MYRIP: variants seen among roughly 807,000 people sequenced by gnomAD.
MYRIP encodes the protein myosin VIIA and Rab interacting protein.
MYRIP carries 49 observed loss-of-function variants against 98.0 expected under a neutral mutation model. The ratio of observed to expected loss-of-function variants is 0.50; its 90% CI spans 0.40 to 0.63. The LOEUF (loss-of-function observed/expected upper bound fraction) is 0.63. Ranked by LOEUF, MYRIP falls within the 30% of genes least tolerant of loss-of-function variation. The pLI is 0.00. For missense variants in MYRIP, 1,004 were observed against 1,058.2 expected, an observed-to-expected ratio of 0.95 and a Z score of 0.71; for synonymous variants, 404 against 409.5, an observed-to-expected ratio of 0.99 and a Z score of 0.16.
chr3:40,231,554 G>A (rs1203028158), intron 11 of MYRIP, among the ~76,000 whole-genome samples: 1 of 152,178 alleles, frequency 6.6e-6, no homozygotes, highest in African/African-American at 2.4e-5. Context: ...AAACAAGGCT[G>A]TTTATAGATG....
At chr3:40,034,016 C>T (rs1947320663) in intron 2 of MYRIP, among the ~76,000 whole-genome samples, 1 of 151,986 alleles carries the variant, frequency 6.6e-6, no homozygotes, top group Non-Finnish European at 1.5e-5. Flanking sequence ...ACTGGCTAGC[C>T]ATATGTAGAA....
intron 3 of MYRIP, among the ~76,000 whole-genome samples, chr3:40,141,336 T>G (rs1360818767): frequency 1.3e-5 from 2 of 152,242 alleles, no homozygotes; most frequent in Non-Finnish European, 2.9e-5. Flanking sequence ...GTTCCTTGTA[T>G]ATTCTGAATA....
chr3:39,841,852 G>A (rs567141504), intron 1 of MYRIP, among the ~76,000 whole-genome samples: 114 of 152,270 alleles, frequency 7.5e-4, no homozygotes, highest in African/African-American at 2.0e-3. Flanking sequence ...GGGGCACCCC[G>A]CAGATGCCAG....
Position 40,179,358 on chromosome 3 carries a change from C to T in MYRIP, c.874-2862C>T, listed in dbSNP as rs780607791. 4.0e-4 allele frequency among the ~76,000 whole-genome samples: 61 copies of T among 152,084 alleles called. 1 individual carries two copies. The highest frequency in any genetic ancestry group is 6.5e-4 in the Non-Finnish European group (44 of 68,030). ...GCCTGAAATAGACTATTTTTATAGCCTGGCATTCCCTACTCTCTGCTGTTG... is the reference window on the plus strand; with the variant it reads ...GCCTGAAATAGACTATTTTTATAGCTTGGCATTCCCTACTCTCTGCTGTTG... On this transcript the variant is annotated intron_variant, in intron 8 of 16. Coordinates refer to ENST00000302541, the MANE Select transcript of MYRIP (RefSeq NM_015460.4).
chr3:39,864,555 C>T (rs1458976928), intron 1 of MYRIP, among the ~76,000 whole-genome samples: 1 of 151,920 alleles, frequency 6.6e-6, no homozygotes, highest in Non-Finnish European at 1.5e-5. Flanking sequence ...TAACAATAGC[C>T]ACAAAAAGAA....
intron 11 of MYRIP, among the ~76,000 whole-genome samples, chr3:40,211,951 AAG>A (rs1230290669): frequency 5.3e-5 from 8 of 151,920 alleles, no homozygotes; most frequent in South Asian, 2.1e-4. Flanking sequence ...GCAGGAAATT[AAG>A]AGAGTTGGCT....
At chr3:40,218,630 A>ATATATATTT (rs1553629253) in intron 11 of MYRIP, among the ~76,000 whole-genome samples, 1 of 23,630 alleles carries the variant, frequency 4.2e-5, no homozygotes, top group Non-Finnish European at 1.0e-4. Flanking sequence ...ATATATATAT[A>ATATATATTT]TATATATATA....
At chr3:40,101,166 A>G (rs1363360040) in intron 3 of MYRIP, among the ~76,000 whole-genome samples, 4 of 152,164 alleles carry the variant, frequency 2.6e-5, no homozygotes, top group African/African-American at 9.7e-5. Context: ...AACACCTCCA[A>G]CACTCAACAC....
chr3:40,033,783 A>G (rs967916834), intron 2 of MYRIP, among the ~76,000 whole-genome samples: 1 of 152,156 alleles, frequency 6.6e-6, no homozygotes, highest in Non-Finnish European at 1.5e-5. Context: ...AAGCCAAAAG[A>G]ACAAAGCTGG....
At chr3:39,817,691 C>T (rs1033410681) in intron 1 of MYRIP, among the ~76,000 whole-genome samples, 2 of 151,954 alleles carry the variant, frequency 1.3e-5, no homozygotes, top group African/African-American at 4.8e-5. Flanking sequence ...GTATTTTATA[C>T]CCACAACACA....
At chr3:39,937,561 CAT>C (rs1184833109) in intron 2 of MYRIP, among the ~76,000 whole-genome samples, 1 of 152,194 alleles carries the variant, frequency 6.6e-6, no homozygotes, top group Non-Finnish European at 1.5e-5. Flanking sequence ...TGCCCAATAA[CAT>C]ACAATGTGGC....
chr3:40,059,308 T>C (rs1248135609), intron 3 of MYRIP, among the ~76,000 whole-genome samples: 1 of 152,202 alleles, frequency 6.6e-6, no homozygotes, highest in Non-Finnish European at 1.5e-5. Context: ...AGTAATGGGA[T>C]TGCTGGGTCA....
At chr3:39,864,131 G>A (rs1483534600) in intron 1 of MYRIP, among the ~76,000 whole-genome samples, 1 of 151,978 alleles carries the variant, frequency 6.6e-6, no homozygotes, top group African/African-American at 2.4e-5. Context: ...AATAAACTAG[G>A]CATTGAGGGA....
At chr3:40,004,775 C>T (rs1224558060) in intron 2 of MYRIP, among the ~76,000 whole-genome samples, 2 of 152,144 alleles carry the variant, frequency 1.3e-5, no homozygotes, top group Non-Finnish European at 2.9e-5. Flanking sequence ...ATAATGGTCT[C>T]CAATTCCATC....
At chr3:39,919,179 G>T (rs893329632) in intron 2 of MYRIP, among the ~76,000 whole-genome samples, 3 of 152,202 alleles carry the variant, frequency 2.0e-5, no homozygotes, top group South Asian at 2.1e-4. Context: ...CACTTCCCAG[G>T]CTGGTCTGAG....
intron 3 of MYRIP, chr3:40,071,205 TC>T: frequency 1.0e-6 from 1 of 985,294 alleles, no homozygotes; most frequent in Non-Finnish European, 1.2e-6. Context: ...GATGCAGAAG[TC>T]CCTCAGGCCC....
intron 4 of MYRIP, among the ~76,000 whole-genome samples, chr3:40,155,603 C>T (rs1950215640): frequency 6.6e-6 from 1 of 150,772 alleles, no homozygotes; most frequent in African/African-American, 2.4e-5. Context: ...TTTACAGTCC[C>T]ACCAACAGTG....
intron 2 of MYRIP, among the ~76,000 whole-genome samples, chr3:39,928,957 G>C (rs59296757): frequency 0.037 from 5,658 of 151,962 alleles, 203 homozygotes; most frequent in South Asian, 0.13. Flanking sequence ...AAAACTCCCA[G>C]AACTAAAAGC....
intron 2 of MYRIP, among the ~76,000 whole-genome samples, chr3:40,039,597 A>G (rs900862769): frequency 6.6e-5 from 10 of 152,120 alleles, no homozygotes; most frequent in Admixed American, 3.9e-4. Context: ...GTGAGTGGAA[A>G]TAAAGAACAT....
Sources: gnomAD v4.1 joint callset for allele counts (sites outside exome capture counted in the v4.1 genomes callset) on GRCh38, gnomAD v4.1.1 for gene constraint, MANE v1.5 for transcripts, NCBI Gene and HGNC (gene_info 2026-07-23, HGNC 2026-07-21) for gene names.